The following FAM107B variants were observed in gnomAD, a reference collection of about 807,000 sequenced individuals.
FAM107B encodes the protein protein FAM107B.
In FAM107B, 21 loss-of-function variants were observed where a neutral mutation model predicts 31.5. The observed-to-expected ratio is 0.67, with a 90% CI of 0.47 to 0.96. The LOEUF (loss-of-function observed/expected upper bound fraction) is 0.96. FAM107B is among the 40% of genes least tolerant of loss of function. The pLI, the probability that FAM107B is intolerant of heterozygous loss-of-function variation, is 0.00. For missense variants in FAM107B, 452 were observed against 377.1 expected, an observed-to-expected ratio of 1.20 and a Z score of -1.64; for synonymous variants, 157 against 141.5, an observed-to-expected ratio of 1.11 and a Z score of -0.78.
At chr10:14,698,599 T>C (rs1252793111) in intron 1 of FAM107B, among the ~76,000 whole-genome samples, 1 of 152,246 alleles carries the variant, frequency 6.6e-6, no homozygotes, top group African/African-American at 2.4e-5. Flanking sequence ...ATTTCATATG[T>C]GGACATGCCG....
chr10:14,680,685 A>G (rs896546793), intron 1 of FAM107B, among the ~76,000 whole-genome samples: 3 of 152,010 alleles, frequency 2.0e-5, no homozygotes, highest in African/African-American at 7.3e-5. Flanking sequence ...CTTCTGGCAA[A>G]TTCCCACTAA....
At chr10:14,731,039 A>T (rs1856160996) in intron 1 of FAM107B, among the ~76,000 whole-genome samples, 3 of 152,226 alleles carry the variant, frequency 2.0e-5, no homozygotes, top group African/African-American at 7.2e-5. Flanking sequence ...GAGAGGGCTT[A>T]GCAGGCACAG....
chr10:14,575,680 A>G (rs1212920163), intron 2 of FAM107B, among the ~76,000 whole-genome samples: 4 of 152,214 alleles, frequency 2.6e-5, no homozygotes, highest in Non-Finnish European at 4.4e-5. Flanking sequence ...TCTAACAGCA[A>G]CTGACAACCA....
intron 2 of FAM107B, among the ~76,000 whole-genome samples, chr10:14,579,647 C>G (rs1851571256): frequency 6.6e-6 from 1 of 152,154 alleles, no homozygotes; most frequent in Admixed American, 6.5e-5. Flanking sequence ...ATTTCAAAAC[C>G]AAGTTTGTTA....
At chr10:14,754,273 A>G (rs1346734010) in intron 1 of FAM107B, among the ~76,000 whole-genome samples, 4 of 152,126 alleles carry the variant, frequency 2.6e-5, no homozygotes, top group East Asian at 1.9e-4. Flanking sequence ...AATGAATCCA[A>G]ATAATTTGTG....
At chr10:14,598,792 A>C (rs1051447702) in intron 2 of FAM107B, among the ~76,000 whole-genome samples, 3 of 152,220 alleles carry the variant, frequency 2.0e-5, no homozygotes, top group African/African-American at 7.2e-5. Context: ...CATTTGCCAA[A>C]TCTCAGGGAC....
chr10:14,686,503 G>A (rs181562459), intron 1 of FAM107B, among the ~76,000 whole-genome samples: 34 of 152,242 alleles, frequency 2.2e-4, no homozygotes, highest in Admixed American at 1.2e-3. Context: ...GTATTTGTGA[G>A]GTTGGAATTA....
chr10:14,761,888 C>T (rs752009481), intron 1 of FAM107B, among the ~76,000 whole-genome samples: 5 of 152,160 alleles, frequency 3.3e-5, no homozygotes, highest in Admixed American at 2.6e-4. Flanking sequence ...CATCCGCCAC[C>T]GCACCGGGCC....
chr10:14,737,439 C>A (rs1856326451), intron 1 of FAM107B, among the ~76,000 whole-genome samples: 1 of 151,888 alleles, frequency 6.6e-6, no homozygotes, highest in South Asian at 2.1e-4. Context: ...ACAGTGAGAC[C>A]CCGTCTCTAC....
intron 2 of FAM107B, among the ~76,000 whole-genome samples, chr10:14,609,111 AG>A (rs1852665039): frequency 6.6e-6 from 1 of 152,252 alleles, no homozygotes; most frequent in African/African-American, 2.4e-5. Flanking sequence ...AATAAGAAAA[AG>A]ATGGGGGAAA....
At chr10:14,629,719 T>C (rs12245706) in intron 2 of FAM107B, among the ~76,000 whole-genome samples, 6,094 of 150,116 alleles carry the variant, frequency 0.041, 185 homozygotes, top group African/African-American at 0.086. Flanking sequence ...TTCACCATGT[T>C]AGCCAGGATG....
chr10:14,538,676 T>A (rs1017215276), intron 2 of FAM107B, among the ~76,000 whole-genome samples: 11 of 152,216 alleles, frequency 7.2e-5, no homozygotes, highest in Non-Finnish European at 1.0e-4. Context: ...ATCAGTACAC[T>A]TTTTTGGTGC....
chr10:14,626,428 T>C (rs1853163712), intron 2 of FAM107B, among the ~76,000 whole-genome samples: 1 of 152,162 alleles, frequency 6.6e-6, no homozygotes, highest in African/African-American at 2.4e-5. Flanking sequence ...GCTGTTTGGT[T>C]TCTCATTTGG....
chr10:14,763,601 A>C (rs964328458), intron 1 of FAM107B, among the ~76,000 whole-genome samples: 2 of 152,188 alleles, frequency 1.3e-5, no homozygotes, highest in Non-Finnish European at 1.5e-5. Context: ...GGGTTCCGGC[A>C]AAAACTCAGT....
At chr10:14,654,354 T>C (rs541791165) in intron 2 of FAM107B, among the ~76,000 whole-genome samples, 1 of 152,348 alleles carries the variant, frequency 6.6e-6, no homozygotes, top group Admixed American at 6.5e-5. Flanking sequence ...ATTTTCTGAA[T>C]ATCTGTGTGG....
At chr10:14,657,074 C>T (rs1854078988) in intron 2 of FAM107B, among the ~76,000 whole-genome samples, 1 of 152,246 alleles carries the variant, frequency 6.6e-6, no homozygotes, top group Admixed American at 6.5e-5. Context: ...TCCATCAACA[C>T]CACATCAGGC....
chr10:14,651,483 T>C (rs1853897787), intron 2 of FAM107B, among the ~76,000 whole-genome samples: 1 of 152,116 alleles, frequency 6.6e-6, no homozygotes, highest in South Asian at 2.1e-4. Flanking sequence ...TGCATGCCTG[T>C]AATCCCAGCT....
intron 2 of FAM107B, among the ~76,000 whole-genome samples, chr10:14,559,468 C>CAAA (rs35061654): frequency 3.5e-5 from 4 of 112,740 alleles, no homozygotes; most frequent in Admixed American, 9.2e-5. Context: ...GGTTCTCTTA[C>CAAA]AAAAAAAAAA....
At chr10:14,760,130 G>T (rs376663107) in intron 1 of FAM107B, among the ~76,000 whole-genome samples, 4 of 152,230 alleles carry the variant, frequency 2.6e-5, no homozygotes, top group East Asian at 1.9e-4. Context: ...TAGGTTCCAA[G>T]ATAATTTTTT....
Sources: allele counts gnomAD v4.1 joint callset (sites outside exome capture counted in the v4.1 genomes callset), GRCh38; gene constraint gnomAD v4.1.1; transcripts MANE v1.5; gene names NCBI Gene and HGNC (gene_info 2026-07-23, HGNC 2026-07-21).